Variants in IL12RB2 observed in about 807,000 individuals in gnomAD.
IL12RB2 encodes the protein interleukin 12 receptor subunit beta 2.
A neutral mutation model predicts 89.4 loss-of-function variants in IL12RB2; 82 were observed. The observed-to-expected ratio is 0.92, with a 90% CI of 0.77 to 1.10. IL12RB2 has a LOEUF of 1.10. Among genes scored for constraint, IL12RB2 ranks in the 50% least tolerant of loss-of-function variants. IL12RB2 has a pLI of 0.00. For missense variants in IL12RB2, 963 were observed against 1,031.9 expected (o/e 0.93, Z 0.92); for synonymous variants, 368 against 370.1 (o/e 0.99, Z 0.07).
chr1:67,337,521 T>C (rs970123449), intron 8 of IL12RB2, among the ~76,000 whole-genome samples: 8 of 152,236 alleles, frequency 5.3e-5, no homozygotes, highest in Admixed American at 5.2e-4. Context: ...GCAAGTATGT[T>C]TGGTTGAAAT....
intron 4 of IL12RB2, among the ~76,000 whole-genome samples, chr1:67,322,779 GA>G (rs1164323143): frequency 1.3e-5 from 2 of 152,230 alleles, no homozygotes; most frequent in Non-Finnish European, 2.9e-5. Flanking sequence ...GCTGCTGGGG[GA>G]TTAGAACTAA....
chr1:67,357,232 G>A (rs574548573), intron 10 of IL12RB2, among the ~76,000 whole-genome samples: 1 of 152,246 alleles, frequency 6.6e-6, no homozygotes, highest in African/African-American at 2.4e-5. Context: ...AGAAAAATTA[G>A]CTGGGTGTGA....
At chr1:67,313,182 T>G (rs1205881669) in intron 1 of IL12RB2, among the ~76,000 whole-genome samples, 1 of 150,882 alleles carries the variant, frequency 6.6e-6, no homozygotes, top group Non-Finnish European at 1.5e-5. Context: ...GTAACTTGAT[T>G]TGATTATCCT....
chr1:67,384,753 C>G (rs1334557313), intron 14 of IL12RB2, among the ~76,000 whole-genome samples: 1 of 152,198 alleles, frequency 6.6e-6, no homozygotes, highest in Non-Finnish European at 1.5e-5. Flanking sequence ...CCAAAGATCT[C>G]TGGGGCAGGT....
intron 8 of IL12RB2, among the ~76,000 whole-genome samples, chr1:67,332,558 T>G: frequency 6.6e-6 from 1 of 152,220 alleles, no homozygotes; most frequent in East Asian, 1.9e-4. Context: ...TACCACTCAT[T>G]TTATAATAAA....
chr1:67,396,273 G>A lies in IL12RB2; in HGVS notation c.*184G>A, dbSNP rs920400568. On this transcript the variant is annotated 3_prime_UTR_variant, in exon 17 of 17. Transcript: ENST00000674203. ...ACTGGGAGTTGGTCTTCACTCAGAT[G>A]CCTCATCTTGCCTTTCCCAGGGCCT... 4.4e-6 allele frequency: 3 copies of A among 677,910 alleles called. No homozygotes were observed. In the African/African-American group the frequency reaches 5.3e-5, roughly 12 times the overall value. The allele number at this position is 677,910 out of a possible 1,614,324, so 42.0% of individuals were successfully genotyped here.
intron 9 of IL12RB2, among the ~76,000 whole-genome samples, chr1:67,345,538 A>G (rs1289926201): frequency 6.6e-6 from 1 of 152,242 alleles, no homozygotes; most frequent in African/African-American, 2.4e-5. Context: ...TTGATGTAGG[A>G]CAAAGGTCTA....
chr1:67,390,265 T>TA, intron 16 of IL12RB2, 137 bp downstream of exon 16: 2 of 667,408 alleles, frequency 3.0e-6, no homozygotes, highest in Non-Finnish European at 5.5e-6. Context: ...TGGCTACCAC[T>TA]GAGTCATCAT....
rs1663509785 is a variant in IL12RB2, at chr1:67,372,760, C to A, written c.1694C>A (p.Ser565Tyr). 1.2e-6 allele frequency: 2 copies of A among 1,608,946 alleles called. No individual in the cohort carries two copies. The highest frequency in any genetic ancestry group is 2.7e-5 in the African/African-American group (2 of 74,788). ...HYRIYWKERDSNSQPQLCEIP... is the reference protein window; with the variant it reads ...HYRIYWKERDYNSQPQLCEIP... ...AGGATATACTGGAAGGAACGGGACTCCAACTCCCAGCCTCAGCTCTGTGGT... is the reference window on the plus strand; with the variant it reads ...AGGATATACTGGAAGGAACGGGACTACAACTCCCAGCCTCAGCTCTGTGGT... Residue 565 changes from serine (S) to tyrosine (Y), a missense_variant, in exon 13 of 17, where the codon TCC (serine) becomes TAC (tyrosine). Ser to Tyr is a moderately radical substitution (Grantham distance 144, BLOSUM62 -2). Transcript: ENST00000674203.
intron 6 of IL12RB2, 120 bp from the exon 7 acceptor site, chr1:67,329,467 T>C (rs989209343): frequency 1.3e-6 from 1 of 749,172 alleles, no homozygotes; most frequent in Admixed American, 1.9e-5. Context: ...TTTACCAAAT[T>C]TGATGGTTGT....
At chr1:67,360,870 G>A (rs527844252) in intron 10 of IL12RB2, among the ~76,000 whole-genome samples, 116 of 152,134 alleles carry the variant, frequency 7.6e-4, no homozygotes, top group Non-Finnish European at 1.4e-3. Context: ...TTTTAATAGG[G>A]CTGAACTATT....
intron 1 of IL12RB2, among the ~76,000 whole-genome samples, chr1:67,310,730 T>C (rs1238531607): frequency 2.6e-5 from 4 of 152,128 alleles, no homozygotes; most frequent in African/African-American, 9.7e-5. Flanking sequence ...TTTTTGTTTG[T>C]TTGTTTTTTG....
intron 15 of IL12RB2, among the ~76,000 whole-genome samples, chr1:67,389,364 G>C (rs2172962): frequency 0.47 from 70,808 of 151,306 alleles, 18,690 homozygotes; most frequent in Non-Finnish European, 0.58. Context: ...CAAAGCTTAT[G>C]AAAGCCAAGT....
chr1:67,323,598 A>G (rs906467887), intron 4 of IL12RB2, among the ~76,000 whole-genome samples: 1 of 152,176 alleles, frequency 6.6e-6, no homozygotes. Context: ...AGTCCTGACT[A>G]CAAACTCTTT....
At chr1:67,359,088 C>T (rs1661705871) in intron 10 of IL12RB2, among the ~76,000 whole-genome samples, 1 of 152,080 alleles carries the variant, frequency 6.6e-6, no homozygotes, top group Non-Finnish European at 1.5e-5. Context: ...TTGCAGTGAG[C>T]CAAGATTGTG....
At position 67,350,907 on chromosome 1, in the gene IL12RB2, A is replaced by G; in HGVS notation, c.1076A>G (p.His359Arg). 1 of 1,614,050 alleles carries G rather than the reference A, an allele frequency of 6.2e-7. No homozygotes were observed. Among genetic ancestry groups the G allele is most frequent in the South Asian group, 1.1e-5 (1 of 91,080 alleles). Residue 359 changes from histidine to arginine, a missense_variant, in exon 10 of 17, where the codon CAC becomes CGC. His to Arg is a conservative substitution (Grantham distance 29). Coordinates refer to ENST00000674203, the MANE Select transcript of IL12RB2 (RefSeq NM_001374259.2). ...TCAGAGGCAAGAGGAAAAATTCTCCACTATCAGGTGACCTTGCAGGAGCTG... is the reference window on the plus strand; with the variant it reads ...TCAGAGGCAAGAGGAAAAATTCTCCGCTATCAGGTGACCTTGCAGGAGCTG... Reference protein sequence around the residue: ...SVSEARGKILHYQVTLQELTG... With the variant: ...SVSEARGKILRYQVTLQELTG...
intron 15 of IL12RB2, among the ~76,000 whole-genome samples, chr1:67,387,634 G>T (rs1454488697): frequency 6.7e-6 from 1 of 149,964 alleles, no homozygotes; most frequent in Non-Finnish European, 1.5e-5. Flanking sequence ...AACCTGGGAG[G>T]TGGAGATTGC....
chr1:67,392,110 G>A (rs188337878), intron 16 of IL12RB2, among the ~76,000 whole-genome samples: 106 of 152,218 alleles, frequency 7.0e-4, no homozygotes, highest in African/African-American at 2.6e-3. Context: ...CTTTAAACAC[G>A]GGGTGAGGAG....
At chr1:67,369,422 A>AT (rs954764096) in intron 11 of IL12RB2, among the ~76,000 whole-genome samples, 4 of 152,218 alleles carry the variant, frequency 2.6e-5, no homozygotes, top group Non-Finnish European at 5.9e-5. Context: ...TATCAGCTCA[A>AT]TTTTGAAAAA....
Sources: gnomAD v4.1 joint callset for allele counts (sites outside exome capture counted in the v4.1 genomes callset) on GRCh38, gnomAD v4.1.1 for gene constraint, MANE v1.5 for transcripts, NCBI Gene and HGNC (gene_info 2026-07-23, HGNC 2026-07-21) for gene names.